The following KIF4A variants were observed in gnomAD, a reference collection of about 807,000 sequenced individuals.
KIF4A encodes the protein kinesin family member 4A.
KIF4A carries 7 observed loss-of-function variants against 105.9 expected under a neutral mutation model. The ratio of observed to expected loss-of-function variants is 0.07; its 90% confidence interval spans 0.04 to 0.12. The LOEUF is 0.12. Among genes scored for constraint, KIF4A ranks in the 10% least tolerant of loss-of-function variants. KIF4A has a pLI of 1.00. For synonymous variants in KIF4A, 281 were observed against 331.3 expected, an observed-to-expected ratio of 0.85 and a Z score of 1.65; for missense variants, 558 against 929.2, an observed-to-expected ratio of 0.60 and a Z score of 5.19.
intron 15 of KIF4A, among the ~76,000 whole-genome samples, chrX:70,369,911 T>C (rs1011313038): frequency 1.8e-5 from 2 of 111,411 alleles, no homozygotes; most frequent in African/African-American, 6.5e-5. Context: ...ATAATGACAT[T>C]TCAGTCAGTG....
intron 15 of KIF4A, among the ~76,000 whole-genome samples, chrX:70,372,469 C>G (rs1343735726): frequency 8.8e-6 from 1 of 113,785 alleles, no homozygotes; most frequent in African/African-American, 3.2e-5. Flanking sequence ...AGCGAAACCC[C>G]GTCTCCACCA....
chrX:70,335,256 A>G (rs2085946164), intron 10 of KIF4A, among the ~76,000 whole-genome samples: 2 of 112,451 alleles, frequency 1.8e-5, no homozygotes, highest in African/African-American at 6.5e-5. Context: ...ATGGGTGGAC[A>G]TTGAAGATAT....
rs1407989433 is a variant in KIF4A, at chrX:70,373,577, C to T, written c.1675-574C>T. On this transcript the variant is annotated intron_variant, in intron 15 of 30. Transcript: ENST00000374403. ...ATATACGTATATATATACATATATACGTGTATATATATACGTATATATATA... is the reference window on the plus strand; with the variant it reads ...ATATACGTATATATATACATATATATGTGTATATATATACGTATATATATA... Among the ~76,000 whole-genome samples the T allele has an allele frequency of 2.2e-3, 36 of 16,003 alleles. 1 individual carries two copies. The highest frequency in any genetic ancestry group is 4.4e-3 in the Non-Finnish European group (33 of 7,562). 13.9% of individuals were successfully genotyped at this position (16,003 alleles called of 115,157 possible).
intron 15 of KIF4A, among the ~76,000 whole-genome samples, chrX:70,355,796 G>A (rs1712480190): frequency 9.0e-6 from 1 of 111,253 alleles, no homozygotes. Context: ...AGTAGAGAAC[G>A]GATGGGGCTG....
At chrX:70,312,554 T>C (rs896561800) in intron 7 of KIF4A, among the ~76,000 whole-genome samples, 20 of 112,304 alleles carry the variant, frequency 1.8e-4, no homozygotes, top group African/African-American at 6.5e-4. Context: ...GAATTTCCCA[T>C]AGTGTGAATT....
At position 70,352,645 on chromosome X, in the gene KIF4A, G is replaced by A. The variant is rs1417282495; in HGVS notation, c.1477G>A (p.Glu493Lys). ...CMAAAIDTAV[E>K]QEAQVETSPE... ...GGCTGCAGCCATTGATACTGCGGTG[G>A]AGCAAGAAGCCGTAAGTAATTGGCC... The change falls in exon 14 of 31, where the codon GAG (glutamate) becomes AAG (lysine). Residue 493 changes from glutamate (E) to lysine (K), a missense_variant. Physicochemically the swap from Glu to Lys is moderately conservative, Grantham distance 56. Around this residue, in one of 2 missense-constraint regions of KIF4A, gnomAD observed 469 missense variants for 680.4 expected, o/e 0.69. Transcript: ENST00000374403. The A allele has an allele frequency of 8.4e-7, 1 of 1,192,203 alleles. No individual in the cohort carries two copies. The highest frequency in any genetic ancestry group is 3.0e-5 in the East Asian group (1 of 33,606).
At chrX:70,358,984 G>T (rs1381693150) in intron 15 of KIF4A, among the ~76,000 whole-genome samples, 1 of 111,692 alleles carries the variant, frequency 9.0e-6, no homozygotes, top group East Asian at 2.8e-4. Context: ...CAACCTGTTA[G>T]GTTCGGCCTC....
At chrX:70,370,386 A>AT (rs1486280472) in intron 15 of KIF4A, among the ~76,000 whole-genome samples, 2 of 107,517 alleles carry the variant, frequency 1.9e-5, no homozygotes, top group Non-Finnish European at 3.8e-5. Context: ...AGTATTATCT[A>AT]TTTTTTTATA....
intron 28 of KIF4A, among the ~76,000 whole-genome samples, chrX:70,409,816 A>AG (rs1268168183): frequency 9.1e-6 from 1 of 109,324 alleles, no homozygotes; most frequent in African/African-American, 3.3e-5. Context: ...AAAAAAGAAA[A>AG]GAAAAAAAAT....
intron 28 of KIF4A, among the ~76,000 whole-genome samples, chrX:70,416,262 A>G (rs2086343827): frequency 1.9e-5 from 2 of 106,156 alleles, no homozygotes; most frequent in South Asian, 8.2e-4. Flanking sequence ...ACCTGACTGC[A>G]TTTGCTTTGG....
intron 13 of KIF4A, among the ~76,000 whole-genome samples, chrX:70,346,239 A>C (rs912400845): frequency 8.9e-6 from 1 of 112,153 alleles, no homozygotes; most frequent in Non-Finnish European, 1.9e-5. Context: ...CGGCTATCAC[A>C]AGGTTAAATT....
chrX:70,313,832 C>T (rs1381433848), intron 7 of KIF4A, among the ~76,000 whole-genome samples: 2 of 112,398 alleles, frequency 1.8e-5, no homozygotes, highest in Non-Finnish European at 3.8e-5. Context: ...GAGGGTTTTA[C>T]ATACACATTC....
chrX:70,404,576 A>G, intron 24 of KIF4A, 139 bp from the exon 25 acceptor site: 2 of 436,396 alleles, frequency 4.6e-6, no homozygotes, highest in East Asian at 3.9e-5. Flanking sequence ...TTACTACTTC[A>G]TGCCATGACA....
At chrX:70,413,629 CAAA>C (rs59508236) in intron 28 of KIF4A, among the ~76,000 whole-genome samples, 2 of 75,850 alleles carry the variant, frequency 2.6e-5, no homozygotes, top group Non-Finnish European at 4.9e-5. Flanking sequence ...GACTCCATCT[CAAA>C]AAAAAAAAAA....
intron 20 of KIF4A, 88 bp downstream of exon 20, chrX:70,387,385 A>C: frequency 1.6e-6 from 1 of 632,469 alleles, no homozygotes. Flanking sequence ...CTTTTTTTAG[A>C]AGTAAACACT....
chrX:70,409,794 CAAAA>C (rs780576920), intron 28 of KIF4A, among the ~76,000 whole-genome samples: 1 of 42,217 alleles, frequency 2.4e-5, no homozygotes, highest in Admixed American at 3.3e-4. Context: ...AAGACTGTCT[CAAAA>C]AAAAAAAAAA....
At chrX:70,394,895 A>G (rs1187798821) in intron 20 of KIF4A, among the ~76,000 whole-genome samples, 2 of 112,152 alleles carry the variant, frequency 1.8e-5, no homozygotes, top group African/African-American at 6.5e-5. Context: ...GATTACTATT[A>G]GCATGGTATA....
At chrX:70,383,782 C>T (rs1165193329) in intron 18 of KIF4A, among the ~76,000 whole-genome samples, 1 of 112,170 alleles carries the variant, frequency 8.9e-6, no homozygotes, top group Non-Finnish European at 1.9e-5. Flanking sequence ...AGAAGCCAAT[C>T]ACAAAAGACC....
chrX:70,412,530 A>G (rs765135974), intron 28 of KIF4A, among the ~76,000 whole-genome samples: 1 of 111,873 alleles, frequency 8.9e-6, no homozygotes, highest in African/African-American at 3.2e-5. Context: ...CTGGTGAAGT[A>G]TCACCAGGAC....
Sources: allele counts gnomAD v4.1 joint callset (sites outside exome capture counted in the v4.1 genomes callset), GRCh38; gene constraint gnomAD v4.1.1; regional missense constraint gnomAD v4.1.1; transcripts MANE v1.5; gene names NCBI Gene and HGNC (gene_info 2026-07-23, HGNC 2026-07-21).